PDE1A: variants seen among roughly 807,000 people sequenced by gnomAD.
The protein encoded by PDE1A is dual specificity calcium/calmodulin-dependent 3',5'-cyclic nucleotide phosphodiesterase 1A.
A neutral mutation model predicts 61.7 loss-of-function variants in PDE1A; 35 were observed. The ratio of observed to expected loss-of-function variants is 0.57; its 90% CI spans 0.43 to 0.75. The LOEUF (loss-of-function observed/expected upper bound fraction) is 0.75, where lower values mean the gene tolerates loss of function less well. Ranked by LOEUF, PDE1A falls within the 30% of genes least tolerant of loss-of-function variation. The probability of loss-of-function intolerance (pLI) is 0.00; values close to 1 mark genes in which losing one functional copy is unlikely to be tolerated. For synonymous variants in PDE1A, 232 were observed against 213.2 expected (o/e 1.09, Z -0.77); for missense variants, 597 against 630.6 (o/e 0.95, Z 0.57).
chr2:182,477,818 C>CA (rs1305806361), intron 2 of PDE1A, among the ~76,000 whole-genome samples: 1 of 151,960 alleles, frequency 6.6e-6, no homozygotes, highest in Non-Finnish European at 1.5e-5. Flanking sequence ...AGAGCCCTTT[C>CA]ATGCTTTTGA....
intron 3 of PDE1A, among the ~76,000 whole-genome samples, chr2:182,239,112 G>A (rs1574112494): frequency 6.6e-6 from 1 of 152,108 alleles, no homozygotes; most frequent in East Asian, 1.9e-4. Context: ...TTGTTGCCAT[G>A]CATTCTCATT....
chr2:182,204,829 C>A (rs777604536), intron 8 of PDE1A, among the ~76,000 whole-genome samples: 2 of 152,130 alleles, frequency 1.3e-5, no homozygotes, highest in Non-Finnish European at 2.9e-5. Flanking sequence ...AAATGAAAGG[C>A]CTGAACTGTG....
chr2:182,444,538 C>T (rs1685007746), intron 2 of PDE1A, among the ~76,000 whole-genome samples: 1 of 151,920 alleles, frequency 6.6e-6, no homozygotes, highest in African/African-American at 2.4e-5. Flanking sequence ...TTAATAAATG[C>T]ATATCTATAT....
At chr2:182,146,229 A>G (rs1012384003), downstream of PDE1A, among the ~76,000 whole-genome samples, 2 of 152,194 alleles carry the variant, frequency 1.3e-5, no homozygotes, top group African/African-American at 4.8e-5. Flanking sequence ...TCACTCCCAG[A>G]GTTAATAATT....
At chr2:182,631,690 A>T in the PDE1A span, among the ~76,000 whole-genome samples, 1 of 152,242 alleles carries the variant, frequency 6.6e-6, no homozygotes, top group African/African-American at 2.4e-5. Context: ...TTTAACAGGC[A>T]TTAACGTAGT....
At chr2:182,568,093 C>T in the PDE1A span, among the ~76,000 whole-genome samples, 2 of 152,034 alleles carry the variant, frequency 1.3e-5, no homozygotes, top group Non-Finnish European at 2.9e-5. Flanking sequence ...GTCACTGCGC[C>T]CGCGCCCGGC....
the PDE1A span, among the ~76,000 whole-genome samples, chr2:182,638,439 G>A: frequency 6.6e-6 from 1 of 152,082 alleles, no homozygotes; most frequent in African/African-American, 2.4e-5. Flanking sequence ...AGGAGACAGA[G>A]GCAGGAGAAT....
intron 1 of PDE1A, among the ~76,000 whole-genome samples, chr2:182,337,221 G>T (rs1427049823): frequency 6.6e-6 from 1 of 151,936 alleles, no homozygotes; most frequent in Non-Finnish European, 1.5e-5. Context: ...AACAGAAAAA[G>T]ATGGAAAGAT....
At chr2:182,392,742 A>G (rs1701491119) in intron 1 of PDE1A, among the ~76,000 whole-genome samples, 1 of 152,270 alleles carries the variant, frequency 6.6e-6, no homozygotes, top group Non-Finnish European at 1.5e-5. Flanking sequence ...TGAAGGGGCC[A>G]CAGGCCCCAT....
intron 1 of PDE1A, among the ~76,000 whole-genome samples, chr2:182,312,044 G>GAAT (rs1696012863): frequency 6.6e-6 from 1 of 152,130 alleles, no homozygotes; most frequent in Admixed American, 6.6e-5. Context: ...CTGATGCTAT[G>GAAT]AGTTATCTTT....
intron 2 of PDE1A, among the ~76,000 whole-genome samples, chr2:182,487,786 T>G (rs1165311652): frequency 1.3e-5 from 2 of 152,206 alleles, no homozygotes; most frequent in Non-Finnish European, 2.9e-5. Flanking sequence ...TTATGATATG[T>G]AAATTATGCC....
the PDE1A span, among the ~76,000 whole-genome samples, chr2:182,636,990 A>G: frequency 6.6e-6 from 1 of 152,174 alleles, no homozygotes; most frequent in African/African-American, 2.4e-5. Flanking sequence ...AATATCTCTG[A>G]CTTGTCTTTC....
chr2:182,357,290 C>T (rs1387915060), intron 1 of PDE1A, among the ~76,000 whole-genome samples: 2 of 148,366 alleles, frequency 1.3e-5, no homozygotes, highest in African/African-American at 2.5e-5. Flanking sequence ...CAAAAAAAAA[C>T]AAACAAACAA....
At chr2:182,474,953 T>C (rs183826555) in intron 2 of PDE1A, among the ~76,000 whole-genome samples, 118 of 151,970 alleles carry the variant, frequency 7.8e-4, no homozygotes, top group Non-Finnish European at 1.4e-3. Flanking sequence ...TCTCTCTAAA[T>C]GGGAAATGGA....
chr2:182,249,535 G>A (rs759821530), intron 2 of PDE1A, among the ~76,000 whole-genome samples: 18 of 152,112 alleles, frequency 1.2e-4, no homozygotes, highest in Non-Finnish European at 2.2e-4. Context: ...TGGGGCTAAA[G>A]GTGGTACTGA....
At chr2:182,543,819 T>C in the PDE1A span, among the ~76,000 whole-genome samples, 1 of 152,204 alleles carries the variant, frequency 6.6e-6, no homozygotes, top group Non-Finnish European at 1.5e-5. Flanking sequence ...CTCTTCTTAA[T>C]AGGGTTTCTT....
chr2:182,160,843 G>T (rs2125297302), intron 13 of PDE1A, among the ~76,000 whole-genome samples: 1 of 152,250 alleles, frequency 6.6e-6, no homozygotes, highest in Non-Finnish European at 1.5e-5. Flanking sequence ...CTGATGCCAG[G>T]AATGGTTCTA....
chr2:182,611,729 T>A, the PDE1A span, among the ~76,000 whole-genome samples: 1 of 151,436 alleles, frequency 6.6e-6, no homozygotes, highest in African/African-American at 2.4e-5. Context: ...GAAATATATA[T>A]TAAAGAAAGA....
chr2:182,340,821 G>T (rs1374230459), intron 1 of PDE1A, among the ~76,000 whole-genome samples: 1 of 152,140 alleles, frequency 6.6e-6, no homozygotes, highest in African/African-American at 2.4e-5. Flanking sequence ...CTCCTTTAGA[G>T]TCATGATGCC....
Sources: allele counts gnomAD v4.1 joint callset (sites outside exome capture counted in the v4.1 genomes callset), GRCh38; gene constraint gnomAD v4.1.1; transcripts MANE v1.5; gene names NCBI Gene and HGNC (gene_info 2026-07-23, HGNC 2026-07-21).